Variants in KCNG2 observed in about 807,000 individuals in gnomAD.
The protein encoded by KCNG2 is potassium voltage-gated channel modifier subfamily G member 2, also known as voltage-gated potassium channel regulatory subunit KCNG2.
In KCNG2, 7 loss-of-function variants were observed where a neutral mutation model predicts 12.3. That is an observed-to-expected ratio of 0.57 (90% CI 0.32 to 1.07). The LOEUF is 1.07. Among genes scored for constraint, KCNG2 ranks in the 50% least tolerant of loss-of-function variants. The pLI is 0.04. For missense variants in KCNG2, 703 were observed against 726.0 expected (o/e 0.97, Z 0.36); for synonymous variants, 414 against 351.4 (o/e 1.18, Z -1.99).
intron 1 of KCNG2, among the ~76,000 whole-genome samples, chr18:79,802,711 T>C (rs959283707): frequency 4.7e-5 from 7 of 148,700 alleles, no homozygotes; most frequent in South Asian, 2.1e-4. Context: ...CTGTTACAGC[T>C]GGGAGGAGAG....
At chr18:79,805,377 G>T (rs1307117374) in intron 1 of KCNG2, among the ~76,000 whole-genome samples, 1 of 152,182 alleles carries the variant, frequency 6.6e-6, no homozygotes, top group African/African-American at 2.4e-5. Flanking sequence ...TAAGAGGAGG[G>T]CCTGCCGCGC....
intron 1 of KCNG2, among the ~76,000 whole-genome samples, chr18:79,851,460 T>C (rs942245254): frequency 6.6e-6 from 1 of 152,206 alleles, no homozygotes; most frequent in Non-Finnish European, 1.5e-5. Context: ...TCAGTCAAGA[T>C]GGAGTAGCTC....
chr18:79,893,095 A>G (rs1277263935), intron 3 of KCNG2, among the ~76,000 whole-genome samples: 1 of 151,572 alleles, frequency 6.6e-6, no homozygotes, highest in Non-Finnish European at 1.5e-5. Context: ...ATCTAATATT[A>G]TGATTCATAT....
chr18:79,877,871 G>T (rs922581855), intron 3 of KCNG2, among the ~76,000 whole-genome samples: 1 of 152,244 alleles, frequency 6.6e-6, no homozygotes, highest in Non-Finnish European at 1.5e-5. Context: ...TTTCAAAGGC[G>T]GCTGGTCACG....
chr18:79,815,464 C>T (rs982011396), intron 1 of KCNG2, among the ~76,000 whole-genome samples: 1 of 146,562 alleles, frequency 6.8e-6, no homozygotes, highest in Non-Finnish European at 1.5e-5. Flanking sequence ...AAAAAAAAAT[C>T]CTTTAATGGT....
rs149106853 is a variant in KCNG2 at position 79,850,906 on chromosome 18, C to T, written c.-114-5473C>T. Reference sequence around the variant, plus strand: ...ACCAGGTGGTTCAAGACCAGGTGGCCGCACAGAGTGGACGGGGCCTGCGGT... The same window carrying T: ...ACCAGGTGGTTCAAGACCAGGTGGCTGCACAGAGTGGACGGGGCCTGCGGT... On this transcript the variant is annotated intron_variant, in intron 1 of 3. Coordinates refer to ENST00000316249, the MANE Select transcript of KCNG2 (RefSeq NM_012283.2). Among the ~76,000 whole-genome samples, 170 of 152,266 alleles carry T rather than the reference C, an allele frequency of 1.1e-3. 1 individual carries two copies. The highest frequency in any genetic ancestry group is 3.7e-3 in the African/African-American group (155 of 41,536).
intron 1 of KCNG2, among the ~76,000 whole-genome samples, chr18:79,848,393 G>A (rs898960909): frequency 6.6e-6 from 1 of 152,202 alleles, no homozygotes; most frequent in African/African-American, 2.4e-5. Flanking sequence ...CCGCTGGGGA[G>A]GGGCCTGCGT....
chr18:79,809,385 T>C (rs370050448), intron 1 of KCNG2, among the ~76,000 whole-genome samples: 1,951 of 101,252 alleles, frequency 0.019, 53 homozygotes, highest in Non-Finnish European at 0.022. Flanking sequence ...GAGTCCTCGC[T>C]CTGAGGAGCT....
intron 1 of KCNG2, among the ~76,000 whole-genome samples, chr18:79,839,394 T>A (rs941077318): frequency 6.6e-6 from 1 of 152,162 alleles, no homozygotes; most frequent in Non-Finnish European, 1.5e-5. Flanking sequence ...AGGACATAAC[T>A]GCATACCCTG....
chr18:79,824,140 G>A (rs2087594135), intron 1 of KCNG2, among the ~76,000 whole-genome samples: 1 of 152,218 alleles, frequency 6.6e-6, no homozygotes, highest in Non-Finnish European at 1.5e-5. Flanking sequence ...AAGTAGCTGG[G>A]ACTACAGGCA....
Position 79,864,073 on chromosome 18 carries a change from G to C in KCNG2, c.406G>C (p.Gly136Arg), listed in dbSNP as rs1979346844. Reference sequence around the variant, plus strand: ...GGAGGAGGCGGCCGAGGCCCGCGCGGGGCCGACGGAGCGCGGGGCGCAGGG... The same window carrying C: ...GGAGGAGGCGGCCGAGGCCCGCGCGCGGCCGACGGAGCGCGGGGCGCAGGG... ...REEEAAEARAGPTERGAQGSP... is the reference protein window; with the variant it reads ...REEEAAEARARPTERGAQGSP... Residue 136 changes from glycine to arginine, a missense_variant, in exon 3 of 4, where the codon GGG becomes CGG. Physicochemically the swap from Gly to Arg is moderately radical, Grantham distance 125. Coordinates refer to ENST00000316249, the MANE Select transcript of KCNG2 (RefSeq NM_012283.2). The C allele has an allele frequency of 1.0e-5, 11 of 1,072,752 alleles. No homozygotes were observed. Among genetic ancestry groups the C allele is most frequent in the Non-Finnish European group, 1.2e-5 (11 of 887,640 alleles). The allele number at this position is 1,072,752 out of a possible 1,614,324, so 66.5% of individuals were successfully genotyped here. A position where few individuals can be genotyped will look rare whatever the true frequency, so the allele number is the denominator to read the frequency against.
intron 1 of KCNG2, among the ~76,000 whole-genome samples, chr18:79,814,135 C>T (rs1272557191): frequency 1.3e-5 from 2 of 152,310 alleles, no homozygotes; most frequent in Admixed American, 6.5e-5. Flanking sequence ...GAGAAATGAC[C>T]TTTCATGCCT....
intron 1 of KCNG2, among the ~76,000 whole-genome samples, chr18:79,842,248 G>C (rs1978482056): frequency 6.6e-6 from 1 of 152,172 alleles, no homozygotes. Context: ...CAGGCCCCAA[G>C]CTGGCCCTTG....
At chr18:79,885,510 TC>T (rs2123116832) in intron 3 of KCNG2, among the ~76,000 whole-genome samples, 1 of 152,300 alleles carries the variant, frequency 6.6e-6, no homozygotes, top group South Asian at 2.1e-4. Context: ...ACTGGGTCCC[TC>T]CTTGTTGTGG....
intron 1 of KCNG2, among the ~76,000 whole-genome samples, 175 bp downstream of exon 1, chr18:79,798,189 C>G (rs2122980792): frequency 6.6e-6 from 1 of 151,072 alleles, no homozygotes; most frequent in South Asian, 2.1e-4. Flanking sequence ...ACCTTGGAAT[C>G]CCCCTGTTCG....
rs959834169 is a variant in KCNG2, at chr18:79,800,279, C to T, written c.-115+2265C>T. 1.3e-5 allele frequency among the ~76,000 whole-genome samples: 2 copies of T among 152,016 alleles called. No individual in the cohort carries two copies. Among genetic ancestry groups the T allele is most frequent in the African/African-American group, 2.4e-5 (1 of 41,390 alleles). On this transcript the variant is annotated intron_variant, in intron 1 of 3. Coordinates refer to ENST00000316249, the MANE Select transcript of KCNG2 (RefSeq NM_012283.2). The surrounding 1 kb of genome is among the most constrained non-coding windows in gnomAD (Gnocchi z 4.0). ...GACGGCCACCTGTGTCTGAGTACTG[C>T]GCGCCTGTCCACGGATGGGTAATTT...
chr18:79,802,326 T>C (rs905479774), intron 1 of KCNG2, among the ~76,000 whole-genome samples: 1 of 152,138 alleles, frequency 6.6e-6, no homozygotes, highest in Non-Finnish European at 1.5e-5. Context: ...CCTGGAGCAG[T>C]GAAGGTCGGC....
intron 3 of KCNG2, among the ~76,000 whole-genome samples, chr18:79,882,717 A>G (rs1980346963): frequency 6.6e-6 from 1 of 150,604 alleles, no homozygotes. Flanking sequence ...CCTGCAGGCC[A>G]TGGAGTGGCG....
chr18:79,869,348 A>T (rs887855579), intron 3 of KCNG2, among the ~76,000 whole-genome samples: 2 of 152,178 alleles, frequency 1.3e-5, no homozygotes, highest in Admixed American at 6.5e-5. Context: ...AGGAAGCCTC[A>T]GTTATGTATG....
Sources: gnomAD v4.1 joint callset for allele counts (sites outside exome capture counted in the v4.1 genomes callset) on GRCh38, gnomAD v4.1.1 for gene constraint, Gnocchi (gnomAD v3.1) non-coding constraint, MANE v1.5 for transcripts, NCBI Gene and HGNC (gene_info 2026-07-23, HGNC 2026-07-21) for gene names.